CUX1: variants seen among roughly 807,000 people sequenced by gnomAD.
CUX1 encodes cut like homeobox 1.
A neutral mutation model predicts 158.8 loss-of-function variants in CUX1; 31 were observed. The observed-to-expected ratio is 0.20, with a 90% CI of 0.15 to 0.26. The LOEUF (loss-of-function observed/expected upper bound fraction) is 0.26, where lower values mean the gene tolerates loss of function less well. Among genes scored for constraint, CUX1 ranks in the 10% least tolerant of loss-of-function variants. The pLI is 1.00. For missense variants in CUX1, 1,589 were observed against 2,014.6 expected (o/e 0.79, Z 4.04); for synonymous variants, 879 against 862.1 (o/e 1.02, Z -0.34).
intron 11 of CUX1, 43 bp from the exon 12 acceptor site, chr7:102,189,770 G>A (rs1278062199): frequency 6.2e-7 from 1 of 1,608,660 alleles, no homozygotes; most frequent in Non-Finnish European, 8.5e-7. Flanking sequence ...CCGTCGACCT[G>A]TTGTCAGGCA....
intron 4 of CUX1, among the ~76,000 whole-genome samples, chr7:102,082,451 A>G (rs1554479103): frequency 6.8e-6 from 1 of 147,030 alleles, no homozygotes; most frequent in African/African-American, 2.4e-5. Context: ...ACTTGAACCC[A>G]GGAGGTACAG....
chr7:102,246,754 G>T (rs1800855431), intron 23 of CUX1, among the ~76,000 whole-genome samples: 1 of 152,112 alleles, frequency 6.6e-6, no homozygotes, highest in Admixed American at 6.5e-5. Flanking sequence ...ATTTTTAGTA[G>T]AGACAAGGTT....
At chr7:102,221,000 G>A (rs148204169) in intron 20 of CUX1, among the ~76,000 whole-genome samples, 19 of 152,134 alleles carry the variant, frequency 1.2e-4, no homozygotes, top group African/African-American at 3.9e-4. Flanking sequence ...GTGAGCCACC[G>A]TGCCCGGCTC....
chr7:101,946,544 C>CAAAAAAAAAA (rs386410843), intron 2 of CUX1, among the ~76,000 whole-genome samples: 1 of 78,192 alleles, frequency 1.3e-5, no homozygotes. Flanking sequence ...GACTCCGTCT[C>CAAAAAAAAAA]AAAAAAAAAA....
At chr7:101,994,997 C>T (rs1012506463) in intron 2 of CUX1, among the ~76,000 whole-genome samples, 2 of 151,678 alleles carry the variant, frequency 1.3e-5, no homozygotes, top group Admixed American at 6.6e-5. Context: ...TTTAGAAGGC[C>T]GAGACGGGGG....
rs540684605 is a variant in CUX1 at position 102,086,586 on chromosome 7, T to C, written c.269-10778T>C. On this transcript the variant is annotated intron_variant, in intron 4 of 23. Transcript: ENST00000292535. ...CATATTGACTATATAAAAATCATAA[T>C]ATTAATTAATGTGAATGGCTTTTTT... 3.3e-5 allele frequency among the ~76,000 whole-genome samples: 5 copies of C among 151,980 alleles called. No homozygotes were observed. In the South Asian group the frequency reaches 1.0e-3, roughly 32 times the overall value.
At chr7:102,162,043 T>G (rs1554507314) in intron 9 of CUX1, among the ~76,000 whole-genome samples, 1 of 151,778 alleles carries the variant, frequency 6.6e-6, no homozygotes, top group African/African-American at 2.4e-5. Context: ...ACGTTCCTAA[T>G]CTTGGGGTAG....
chr7:102,282,889 C>A, intron 22 of CUX1: 1 of 970,140 alleles, frequency 1.0e-6, no homozygotes, highest in Non-Finnish European at 1.6e-6. Context: ...CCATCACAGC[C>A]CCCCATTCTG....
chr7:102,160,400 G>T (rs1396400740), intron 9 of CUX1, among the ~76,000 whole-genome samples: 1 of 152,066 alleles, frequency 6.6e-6, no homozygotes, highest in Non-Finnish European at 1.5e-5. Flanking sequence ...ATCCAGAACA[G>T]GTTCTCTGTG....
At chr7:101,924,573 T>C (rs1805357587) in intron 2 of CUX1, among the ~76,000 whole-genome samples, 1 of 151,674 alleles carries the variant, frequency 6.6e-6, no homozygotes, top group African/African-American at 2.4e-5. Context: ...TTTTTTTTTT[T>C]TTTCTTTTTG....
At chr7:102,261,505 A>G (rs1195453752), downstream of CUX1, among the ~76,000 whole-genome samples, 1 of 152,062 alleles carries the variant, frequency 6.6e-6, no homozygotes, top group Non-Finnish European at 1.5e-5. Context: ...AAAAAATAAA[A>G]AATAAATAAT....
intron 1 of CUX1, among the ~76,000 whole-genome samples, chr7:101,896,383 C>T (rs983810800): frequency 3.9e-5 from 6 of 152,066 alleles, no homozygotes; most frequent in Admixed American, 6.6e-5. Context: ...TTTGCAGAAA[C>T]GTGAATGGGT....
intron 9 of CUX1, among the ~76,000 whole-genome samples, chr7:102,162,235 C>T (rs1790515421): frequency 6.6e-6 from 1 of 152,158 alleles, no homozygotes. Flanking sequence ...TGAGAGACCC[C>T]TGTAGACCCC....
chr7:101,867,032 C>T (rs1798002969), intron 1 of CUX1, among the ~76,000 whole-genome samples: 2 of 152,182 alleles, frequency 1.3e-5, no homozygotes, highest in Admixed American at 1.3e-4. Flanking sequence ...ACCAGCCTGG[C>T]CAACATGGCG....
In CUX1 at chr7:101,848,014, C is replaced by T. The variant is rs143932075; in HGVS notation, c.30+30345C>T. 0.014 allele frequency among the ~76,000 whole-genome samples: 1,780 copies of T among 131,722 alleles called. 114 individuals are homozygous for T. The East Asian group carries it at 0.19, about 14-fold the overall frequency. The allele number at this position is 131,722 out of a possible 152,430, so 86.4% of individuals were successfully genotyped here. On this transcript the variant is annotated intron_variant, in intron 1 of 23. Transcript: ENST00000292535. ...CAGAGGTTGCAGTGAGCCAAGATCA[C>T]GCCATTGCACTCCAGCCTGGGCAAC... is the stretch of plus-strand genomic sequence containing the variant.
chr7:102,232,239 G>A (rs1799082991), intron 21 of CUX1, among the ~76,000 whole-genome samples: 3 of 151,920 alleles, frequency 2.0e-5, no homozygotes, highest in Admixed American at 1.3e-4. Flanking sequence ...CCAGCTACTC[G>A]GGATGCTGAG....
At chr7:102,138,410 A>G (rs1174728914) in intron 8 of CUX1, among the ~76,000 whole-genome samples, 2 of 152,040 alleles carry the variant, frequency 1.3e-5, no homozygotes, top group Admixed American at 1.3e-4. Flanking sequence ...GATCTATTTA[A>G]GGAAGATTGA....
At chr7:102,072,422 A>C (rs909016240) in intron 4 of CUX1, among the ~76,000 whole-genome samples, 2 of 152,200 alleles carry the variant, frequency 1.3e-5, no homozygotes, top group Non-Finnish European at 2.9e-5. Flanking sequence ...TCAGAGGCTA[A>C]ATTGAAGTTA....
chr7:102,193,989 C>T, intron 13 of CUX1, 99 bp downstream of exon 13: 1 of 1,176,542 alleles, frequency 8.5e-7, no homozygotes, highest in Non-Finnish European at 1.3e-6. Context: ...TTCTACGAGA[C>T]CTCTCACTTA....
Sources: allele counts gnomAD v4.1 joint callset (sites outside exome capture counted in the v4.1 genomes callset), GRCh38; gene constraint gnomAD v4.1.1; transcripts MANE v1.5; gene names NCBI Gene and HGNC (gene_info 2026-07-23, HGNC 2026-07-21).